CALN1: variants seen among roughly 807,000 people sequenced by gnomAD.
The protein encoded by CALN1 is calneuron 1.
Under a neutral mutation model 30.6 loss-of-function variants are expected in CALN1, and 17 were observed. That is an observed-to-expected ratio of 0.56 (90% CI 0.38 to 0.83). The LOEUF is 0.83. Ranked by LOEUF, CALN1 falls within the 40% of genes least tolerant of loss-of-function variation. The pLI, the probability that CALN1 is intolerant of heterozygous loss-of-function variation, is 0.00. For synonymous variants in CALN1, 156 were observed against 131.4 expected, an observed-to-expected ratio of 1.19 and a Z score of -1.28; for missense variants, 291 against 354.9, an observed-to-expected ratio of 0.82 and a Z score of 1.45.
intron 3 of CALN1, among the ~76,000 whole-genome samples, chr7:72,196,289 T>TC (rs2129547152): frequency 1.3e-5 from 2 of 152,268 alleles, no homozygotes; most frequent in South Asian, 4.1e-4. Flanking sequence ...GGGTAACTTT[T>TC]TGTATTTTTG....
intron 5 of CALN1, among the ~76,000 whole-genome samples, chr7:71,830,372 G>C (rs1301684739): frequency 6.8e-6 from 1 of 147,742 alleles, no homozygotes; most frequent in Non-Finnish European, 1.5e-5. Context: ...TTTTGAGACA[G>C]AGACTGGCTC....
intron 3 of CALN1, among the ~76,000 whole-genome samples, chr7:72,117,119 C>A (rs188511066): frequency 1.3e-4 from 20 of 152,170 alleles, no homozygotes; most frequent in Admixed American, 6.5e-5. Flanking sequence ...TCAAGACTAA[C>A]CTGGGCAACA....
rs1357934519 is a variant in CALN1 at position 71,779,553 on chromosome 7, T to C, written c.*8222A>G. 3 of 152,216 alleles carry C rather than the reference T, an allele frequency of 2.0e-5. No homozygotes were observed. 9.4% of individuals were successfully genotyped at this position (152,216 alleles called of 1,614,324 possible). A position where few individuals can be genotyped will look rare whatever the true frequency, so the allele number is the denominator to read the frequency against. On this transcript the variant is annotated 3_prime_UTR_variant, in exon 7 of 7. Transcript: ENST00000395275. ...AAATAATGGTAAATTAGACTCTTTT[T>C]ATACAGATTATATATTTACAGACAA...
At chr7:71,795,147 G>A (rs913308973) in intron 6 of CALN1, among the ~76,000 whole-genome samples, 1 of 152,136 alleles carries the variant, frequency 6.6e-6, no homozygotes. Context: ...CTCCCGAGTA[G>A]CGGAGAGGGG....
At position 71,925,256 on chromosome 7, in the gene CALN1, GA is replaced by G. The variant is rs1368230095; in HGVS notation, c.501+98400del. Among the ~76,000 whole-genome samples the G allele has an allele frequency of 2.0e-5, 3 of 151,552 alleles. No individual in the cohort carries two copies. In the East Asian group the frequency reaches 5.8e-4, roughly 29 times the overall value. On this transcript the variant is annotated intron_variant, in intron 5 of 6. Transcript: ENST00000395275. ...ACTCTGAGGGGGAGAGAGAGAGAGA[GA>G]CAAAGAAAAGCAAGCAAGCAAGCAA...
At chr7:72,223,238 C>T (rs2129549898) in intron 3 of CALN1, among the ~76,000 whole-genome samples, 1 of 152,218 alleles carries the variant, frequency 6.6e-6, no homozygotes, top group East Asian at 1.9e-4. Context: ...TGAGCTTAAT[C>T]TGAAATTGAG....
At chr7:71,942,570 C>T (rs565922549) in intron 5 of CALN1, 19 of 152,950 alleles carry the variant, frequency 1.2e-4, no homozygotes, top group South Asian at 2.1e-4. Flanking sequence ...GCCCGCCACA[C>T]GGGAATTGAG....
rs373648912 is a variant in CALN1 at position 72,054,019 on chromosome 7, C to G, written c.389-30250G>C. Among the ~76,000 whole-genome samples the G allele has an allele frequency of 2.3e-4, 35 of 151,910 alleles. No individual in the cohort carries two copies. The South Asian group carries it at 6.2e-3, about 27-fold the overall frequency. On this transcript the variant is annotated intron_variant, in intron 4 of 6. Coordinates refer to ENST00000395275, the MANE Select transcript of CALN1 (RefSeq NM_031468.4). ...TTCCATCGTATATATAGATATATAC[C>G]ACAATTTCTTTATCCACTCATTGAT...
At chr7:72,181,102 C>G (rs868819293) in intron 3 of CALN1, among the ~76,000 whole-genome samples, 7 of 83,828 alleles carry the variant, frequency 8.4e-5, no homozygotes, top group African/African-American at 1.7e-4. Flanking sequence ...CATAACCCCC[C>G]CCCCCCCCAA....
the CALN1 span, among the ~76,000 whole-genome samples, chr7:72,487,902 G>GAA: frequency 1.5e-5 from 1 of 64,994 alleles, no homozygotes; most frequent in African/African-American, 7.3e-5. Context: ...AAGAAAGAAA[G>GAA]AAAGAAAGAA....
chr7:71,823,683 A>C (rs938766470), intron 5 of CALN1, among the ~76,000 whole-genome samples: 1 of 152,090 alleles, frequency 6.6e-6, no homozygotes. Context: ...GCACCACTGC[A>C]CTCCAGCCTG....
At chr7:72,045,538 C>CT (rs971626865) in intron 4 of CALN1, among the ~76,000 whole-genome samples, 1 of 152,070 alleles carries the variant, frequency 6.6e-6, no homozygotes, top group African/African-American at 2.4e-5. Flanking sequence ...TCTTCCTTTT[C>CT]TTTTTTTGGA....
intron 2 of CALN1, among the ~76,000 whole-genome samples, chr7:72,402,138 C>A (rs1211659890): frequency 6.6e-6 from 1 of 151,950 alleles, no homozygotes; most frequent in African/African-American, 2.4e-5. Flanking sequence ...ATTCCAGATG[C>A]TTCCTCAGAG....
Position 72,071,030 on chromosome 7 carries a change from CTG to C in CALN1, c.388+35119_388+35120del, listed in dbSNP as rs755762346. 2.6e-5 allele frequency among the ~76,000 whole-genome samples: 4 copies of C among 152,198 alleles called. No individual in the cohort carries two copies. In the East Asian group the frequency reaches 7.7e-4, roughly 29 times the overall value. ...AACAATCATGCTGGCAGAATTTGTC[CTG>C]TGTGACTATTTTGAAATTCCAGGCT... On this transcript the variant is annotated intron_variant, in intron 4 of 6. Transcript: ENST00000395275.
Position 71,818,813 on chromosome 7 carries a change from G to A in CALN1, c.502-8321C>T, listed in dbSNP as rs185553806. The stretch of plus-strand genomic sequence containing the variant: ...CAACCTCCACCTCCTGGGTTCAAGC[G>A]ATTCTCCTGCCTCAGCCTCCCGAGT... On this transcript the variant is annotated intron_variant, in intron 5 of 6. Transcript: ENST00000395275. Among the ~76,000 whole-genome samples, 1,110 of 151,050 alleles carry A rather than the reference G, an allele frequency of 7.3e-3. 41 individuals carry two copies. The highest frequency in any genetic ancestry group is 0.061 in the Admixed American group (927 of 15,150).
chr7:71,835,023 C>T (rs527730080), intron 5 of CALN1, among the ~76,000 whole-genome samples: 2 of 152,124 alleles, frequency 1.3e-5, no homozygotes, highest in East Asian at 3.9e-4. Context: ...TTCATAGGGA[C>T]GAGGTCTCAC....
At chr7:72,338,267 TTGG>T (rs989935885) in intron 2 of CALN1, among the ~76,000 whole-genome samples, 2 of 152,094 alleles carry the variant, frequency 1.3e-5, no homozygotes, top group African/African-American at 4.8e-5. Flanking sequence ...TTGTCCCCTC[TTGG>T]TGGCAAAGAC....
At chr7:72,304,143 T>G (rs948344444) in intron 2 of CALN1, among the ~76,000 whole-genome samples, 11 of 151,992 alleles carry the variant, frequency 7.2e-5, no homozygotes, top group African/African-American at 2.7e-4. Flanking sequence ...GACTGGGAGG[T>G]CCAAAGGTAT....
chr7:72,451,741 T>C (rs1205080664), upstream of CALN1, among the ~76,000 whole-genome samples: 1 of 152,206 alleles, frequency 6.6e-6, no homozygotes, highest in Admixed American at 6.5e-5. Flanking sequence ...CTCCACTTTG[T>C]TTATTCCTGG....
Sources: allele counts gnomAD v4.1 joint callset (sites outside exome capture counted in the v4.1 genomes callset), GRCh38; gene constraint gnomAD v4.1.1; transcripts MANE v1.5; gene names NCBI Gene and HGNC (gene_info 2026-07-23, HGNC 2026-07-21).